PTDSS2: variants seen among roughly 807,000 people sequenced by gnomAD.
The protein encoded by PTDSS2 is PSS-2.
PTDSS2 carries 41 observed loss-of-function variants against 64.7 expected under a neutral mutation model. That is an observed-to-expected ratio of 0.63 (90% CI 0.49 to 0.82). PTDSS2 has a LOEUF of 0.82. Among genes scored for constraint, PTDSS2 ranks in the 40% least tolerant of loss-of-function variants. The probability of loss-of-function intolerance (pLI) is 0.00; values close to 1 mark genes in which losing one functional copy is unlikely to be tolerated. For synonymous variants in PTDSS2, 297 were observed against 277.8 expected, an observed-to-expected ratio of 1.07 and a Z score of -0.69; for missense variants, 485 against 650.0, an observed-to-expected ratio of 0.75 and a Z score of 2.76.
At chr11:465,752 CA>C (rs1847110179) in intron 2 of PTDSS2, among the ~76,000 whole-genome samples, 1 of 140,126 alleles carries the variant, frequency 7.1e-6, no homozygotes, top group African/African-American at 3.0e-5. Context: ...TAGTGAGGAC[CA>C]CCCCCCCCCC....
chr11:490,062 T>G lies in PTDSS2; in HGVS notation c.1295T>G (p.Phe432Cys). Residue 432 changes from phenylalanine (F) to cysteine (C), a missense_variant, in exon 11 of 12, where the codon TTC (phenylalanine) becomes TGC (cysteine). Phe to Cys is a radical substitution (Grantham distance 205). Around this residue, in one of 3 missense-constraint regions of PTDSS2, gnomAD observed 219 missense variants for 257.3 expected, o/e 0.85. Transcript: ENST00000308020. ...LALTWTVWRFFLRDITLRYKE... is the reference protein window; with the variant it reads ...LALTWTVWRFCLRDITLRYKE... ...CTCACCTGGACCGTCTGGCGCTTCTTCCTGCGGTGAGTCAGGGCAGGGCGC... is the reference window on the plus strand; with the variant it reads ...CTCACCTGGACCGTCTGGCGCTTCTGCCTGCGGTGAGTCAGGGCAGGGCGC... The G allele has an allele frequency of 6.2e-7, 1 of 1,606,260 alleles. No homozygotes were observed. Among genetic ancestry groups the G allele is most frequent in the Non-Finnish European group, 8.5e-7 (1 of 1,178,964 alleles).
upstream of PTDSS2, among the ~76,000 whole-genome samples, chr11:449,828 T>C (rs1247918301): frequency 1.3e-5 from 2 of 152,148 alleles, no homozygotes; most frequent in Non-Finnish European, 2.9e-5. Flanking sequence ...CCGCCTGTAA[T>C]CCCAGCTACT....
chr11:488,322 A>T lies in PTDSS2; in HGVS notation c.735+10A>T. The T allele has an allele frequency of 1.2e-6, 2 of 1,603,812 alleles. No homozygotes were observed. Among genetic ancestry groups the T allele is most frequent in the Non-Finnish European group, 8.5e-7 (1 of 1,171,962 alleles). On this transcript the variant is annotated intron_variant, in intron 7 of 11. Coordinates refer to ENST00000308020, the MANE Select transcript of PTDSS2 (RefSeq NM_030783.3). Reference sequence around the variant, plus strand: ...GTGCTGGTGGGATCACGTAGGTGCCAGCACAGCCCCCGGGGCAGTCGGTGC... The same window carrying T: ...GTGCTGGTGGGATCACGTAGGTGCCTGCACAGCCCCCGGGGCAGTCGGTGC...
At chr11:464,139 C>T (rs1847034631) in intron 2 of PTDSS2, among the ~76,000 whole-genome samples, 2 of 151,908 alleles carry the variant, frequency 1.3e-5, no homozygotes, top group Admixed American at 6.6e-5. Flanking sequence ...TGCACCGCCA[C>T]GCCCCACTAA....
intron 2 of PTDSS2, among the ~76,000 whole-genome samples, chr11:471,507 C>T (rs551750987): frequency 2.0e-5 from 3 of 152,388 alleles, no homozygotes; most frequent in South Asian, 2.1e-4. Context: ...GGCAGCATGC[C>T]GTGTGGGGGC....
At chr11:472,415 C>T (rs997844121) in intron 2 of PTDSS2, among the ~76,000 whole-genome samples, 4 of 152,232 alleles carry the variant, frequency 2.6e-5, no homozygotes, top group Non-Finnish European at 4.4e-5. Context: ...GCAGCGAGGG[C>T]ATCTCTGCCT....
intron 6 of PTDSS2, among the ~76,000 whole-genome samples, chr11:487,844 G>A (rs899882159): frequency 2.0e-5 from 3 of 152,216 alleles, no homozygotes; most frequent in East Asian, 1.9e-4. Context: ...GTCAGGCCCC[G>A]GGCACGGGGA....
chr11:458,709 T>C (rs1360747836), intron 1 of PTDSS2: 1 of 152,056 alleles, frequency 6.6e-6, no homozygotes, highest in East Asian at 1.9e-4. Context: ...TGTTACCCAG[T>C]CTGGTCCTGA....
rs984656773 is a variant in PTDSS2 at position 470,483 on chromosome 11, T to C, written c.285-3412T>C. On this transcript the variant is annotated intron_variant, in intron 2 of 11. Transcript: ENST00000308020. The surrounding 1 kb of genome is among the most constrained non-coding windows in gnomAD (Gnocchi z 5.3). ...ATGCCATGTGGCTTCCAGGAAGAGA[T>C]TGTTGGGGGCGGGGCAGGGGGAAGG... 6.6e-6 allele frequency among the ~76,000 whole-genome samples: 1 copy of C among 151,912 alleles called. No homozygotes were observed. Among genetic ancestry groups the C allele is most frequent in the East Asian group, 1.9e-4 (1 of 5,194 alleles).
upstream of PTDSS2, among the ~76,000 whole-genome samples, chr11:449,565 G>T (rs1564953316): frequency 1.3e-5 from 2 of 152,290 alleles, no homozygotes; most frequent in East Asian, 1.9e-4. Context: ...TAATTTTTTT[G>T]CAGGGTACCA....
At chr11:464,486 C>T (rs1408800871) in intron 2 of PTDSS2, among the ~76,000 whole-genome samples, 1 of 151,976 alleles carries the variant, frequency 6.6e-6, no homozygotes, top group Non-Finnish European at 1.5e-5. Flanking sequence ...CCCCTGCGCT[C>T]AGAGTGCCTC....
chr11:488,663 T>C lies in PTDSS2; in HGVS notation c.854+16T>C. 1 of 1,559,896 alleles carries C rather than the reference T, an allele frequency of 6.4e-7. No individual in the cohort carries two copies. Among genetic ancestry groups the C allele is most frequent in the South Asian group, 1.1e-5 (1 of 87,840 alleles). On this transcript the variant is annotated intron_variant, in intron 8 of 11. Transcript: ENST00000308020. ...CGACCTACAAGTACGTCGTGGGGGC[T>C]GCGAGGGCAGGGCCGGGTGGGGGTT...
chr11:457,032 T>C (rs1385895973), intron 1 of PTDSS2, among the ~76,000 whole-genome samples: 2 of 152,162 alleles, frequency 1.3e-5, no homozygotes, highest in African/African-American at 4.8e-5. Flanking sequence ...CTTGAGTTCA[T>C]GAGTTTGAGA....
chr11:471,795 G>A lies in PTDSS2; in HGVS notation c.285-2100G>A, dbSNP rs528565612. ...GCGGCCTGGGGTGACGCAGATGGTGGCCTGGGGTGACGTGGATGGCGGCCT... is the reference window on the plus strand; with the variant it reads ...GCGGCCTGGGGTGACGCAGATGGTGACCTGGGGTGACGTGGATGGCGGCCT... On this transcript the variant is annotated intron_variant, in intron 2 of 11. Coordinates refer to ENST00000308020, the MANE Select transcript of PTDSS2 (RefSeq NM_030783.3). 6.0e-4 allele frequency among the ~76,000 whole-genome samples: 83 copies of A among 138,468 alleles called. 1 individual carries two copies. The highest frequency in any genetic ancestry group is 2.2e-3 in the African/African-American group (81 of 36,156). 90.8% of individuals were successfully genotyped at this position (138,468 alleles called of 152,430 possible).
chr11:466,675 C>G (rs1329795497), intron 2 of PTDSS2, among the ~76,000 whole-genome samples: 2 of 152,112 alleles, frequency 1.3e-5, no homozygotes, highest in Non-Finnish European at 2.9e-5. Context: ...TCCCAAAGTG[C>G]TGAGATTACA....
chr11:465,208 T>C (rs1238783526), intron 2 of PTDSS2, among the ~76,000 whole-genome samples: 1 of 152,252 alleles, frequency 6.6e-6, no homozygotes, highest in Non-Finnish European at 1.5e-5. Context: ...TTTTTGTTTT[T>C]GAGACAGGGT....
intron 2 of PTDSS2, among the ~76,000 whole-genome samples, chr11:468,214 G>C (rs1314083183): frequency 1.3e-5 from 2 of 152,374 alleles, no homozygotes; most frequent in Middle Eastern, 3.4e-3. Flanking sequence ...CTAAGTGAGA[G>C]GAGCCAGTTG....
chr11:479,351 A>C lies in PTDSS2; in HGVS notation c.435+199A>C. 2 of 628,460 alleles carry C rather than the reference A, an allele frequency of 3.2e-6. No homozygotes were observed. Among genetic ancestry groups the C allele is most frequent in the Non-Finnish European group, 5.7e-6 (2 of 353,818 alleles). The allele number at this position is 628,460 out of a possible 1,614,324, so 38.9% of individuals were successfully genotyped here. On this transcript the variant is annotated intron_variant, in intron 4 of 11. Coordinates refer to ENST00000308020, the MANE Select transcript of PTDSS2 (RefSeq NM_030783.3). The surrounding 1 kb of genome is among the most constrained non-coding windows in gnomAD (Gnocchi z 4.2). ...TTGAGTGATGGGGGGCAGCAAAGCTAGACCTTCAAAACGTAGGCCGAGCTG... is the reference window on the plus strand; with the variant it reads ...TTGAGTGATGGGGGGCAGCAAAGCTCGACCTTCAAAACGTAGGCCGAGCTG...
At position 460,646 on chromosome 11, in the gene PTDSS2, C is replaced by T. The variant is rs1361959166; in HGVS notation, c.284+358C>T. On this transcript the variant is annotated intron_variant, in intron 2 of 11. Coordinates refer to ENST00000308020, the MANE Select transcript of PTDSS2 (RefSeq NM_030783.3). This position sits in a 1 kb window ranked among gnomAD's most constrained non-coding sequence, Gnocchi z 5.8. ...TTTGGGCGTCTCCGGGGGTGAGGTT[C>T]CTGCGGTGGCCGCGTGCTGGTTCCG... 7 of 211,754 alleles carry T rather than the reference C, an allele frequency of 3.3e-5. No individual in the cohort carries two copies. Among genetic ancestry groups the T allele is most frequent in the Non-Finnish European group, 6.7e-5 (7 of 103,986 alleles). 13.1% of individuals were successfully genotyped at this position (211,754 alleles called of 1,614,324 possible). A position where few individuals can be genotyped will look rare whatever the true frequency, so the allele number is the denominator to read the frequency against.
Sources: gnomAD v4.1 joint callset for allele counts (sites outside exome capture counted in the v4.1 genomes callset) on GRCh38, gnomAD v4.1.1 for gene constraint, gnomAD v4.1.1 regional missense constraint, Gnocchi (gnomAD v3.1) non-coding constraint, MANE v1.5 for transcripts, NCBI Gene and HGNC (gene_info 2026-07-23, HGNC 2026-07-21) for gene names.